CPSF3: variants seen among roughly 807,000 people sequenced by gnomAD.
CPSF3 encodes cleavage and polyadenylation specific factor 3.
In CPSF3, 57 loss-of-function variants were observed where a neutral mutation model predicts 84.1. The observed-to-expected ratio is 0.68, with a 90% CI of 0.55 to 0.85. CPSF3 has a LOEUF of 0.85. Ranked by LOEUF, CPSF3 falls within the 40% of genes least tolerant of loss-of-function variation. CPSF3 has a pLI of 0.00. For missense variants in CPSF3, 522 were observed against 838.8 expected (o/e 0.62, Z 4.66); for synonymous variants, 275 against 278.1 (o/e 0.99, Z 0.11).
At chr2:9,445,576 C>G (rs59425633) in intron 10 of CPSF3, among the ~76,000 whole-genome samples, 24,512 of 152,198 alleles carry the variant, frequency 0.16, 2,187 homozygotes, top group Middle Eastern at 0.28. Context: ...ACTCTCCTGT[C>G]TATAGCATCA....
Position 9,444,160 on chromosome 2 carries a change from T to TA in CPSF3, c.1242+499_1242+500insA, listed in dbSNP as rs1460239502. Among the ~76,000 whole-genome samples, 610 of 115,834 alleles carry TA rather than the reference T, an allele frequency of 5.3e-3. 2 individuals carry two copies. The highest frequency in any genetic ancestry group is 0.018 in the African/African-American group (556 of 31,118). 76.0% of individuals were successfully genotyped at this position (115,834 alleles called of 152,430 possible). The stretch of plus-strand genomic sequence containing the variant: ...ATATATTATATATATATATATATAT[T>TA]TTTTTTTTTTTTGAGGCGGAGTCTT... On this transcript the variant is annotated intron_variant, in intron 10 of 17. Coordinates refer to ENST00000238112, the MANE Select transcript of CPSF3 (RefSeq NM_016207.4).
rs1219489058 is a variant in CPSF3 at position 9,428,888 on chromosome 2, C to A, written c.114+60C>A. ...GGCTCTGTCTGTATTGGGTGTTAGT[C>A]TTTTCTCATAGACTAGTTATCTTTT... On this transcript the variant is annotated intron_variant, in intron 2 of 17. Coordinates refer to ENST00000238112, the MANE Select transcript of CPSF3 (RefSeq NM_016207.4). The A allele has an allele frequency of 3.5e-5, 35 of 994,936 alleles. No homozygotes were observed. The East Asian group carries it at 7.9e-4, about 22-fold the overall frequency. The allele number at this position is 994,936 out of a possible 1,614,324, so 61.6% of individuals were successfully genotyped here. A position where few individuals can be genotyped will look rare whatever the true frequency, so the allele number is the denominator to read the frequency against.
rs369979781 is a variant in CPSF3, at chr2:9,453,044, A to T, written c.1504+23A>T. 170 of 1,420,778 alleles carry T rather than the reference A, an allele frequency of 1.2e-4. No homozygotes were observed. The East Asian group carries it at 1.3e-3, about 11-fold the overall frequency. The allele number at this position is 1,420,778 out of a possible 1,614,324, so 88.0% of individuals were successfully genotyped here. On this transcript the variant is annotated intron_variant, in intron 12 of 17. Coordinates refer to ENST00000238112, the MANE Select transcript of CPSF3 (RefSeq NM_016207.4). ...CCAGTAAGTATACTATTAAATGTCA[A>T]ATCCAACTTCACCTTAGCACTGAAA...
At chr2:9,435,096 C>T (rs1181772541) in intron 6 of CPSF3, among the ~76,000 whole-genome samples, 2 of 152,166 alleles carry the variant, frequency 1.3e-5, no homozygotes, top group Non-Finnish European at 2.9e-5. Flanking sequence ...TTTTAATATG[C>T]TTATAATCAT....
intron 17 of CPSF3, among the ~76,000 whole-genome samples, chr2:9,472,277 A>C (rs940237827): frequency 8.6e-5 from 13 of 151,278 alleles, no homozygotes; most frequent in African/African-American, 3.2e-4. Context: ...CTGAGATCAC[A>C]TCACTGCACT....
intron 11 of CPSF3, among the ~76,000 whole-genome samples, chr2:9,450,670 C>T (rs1038810213): frequency 6.6e-6 from 1 of 152,084 alleles, no homozygotes; most frequent in African/African-American, 2.4e-5. Flanking sequence ...CAACTGCAGT[C>T]CCAGCCACTC....
intron 7 of CPSF3, among the ~76,000 whole-genome samples, chr2:9,437,262 G>A (rs1344722916): frequency 6.6e-6 from 1 of 152,156 alleles, no homozygotes; most frequent in African/African-American, 2.4e-5. Flanking sequence ...AAATGAGCCA[G>A]GTGTGGTGGC....
chr2:9,463,746 CTG>C (rs1681811015), intron 15 of CPSF3, among the ~76,000 whole-genome samples: 1 of 152,234 alleles, frequency 6.6e-6, no homozygotes, highest in Admixed American at 6.5e-5. Context: ...GAGTCAGCGA[CTG>C]TGGCCCACAA....
chr2:9,439,880 G>A (rs954877359), intron 7 of CPSF3, among the ~76,000 whole-genome samples: 5 of 152,134 alleles, frequency 3.3e-5, no homozygotes, highest in African/African-American at 1.2e-4. Flanking sequence ...TCAGAAGGCT[G>A]AGGTGGAAGG....
At chr2:9,460,647 A>G (rs1298532843) in intron 15 of CPSF3, among the ~76,000 whole-genome samples, 2 of 151,228 alleles carry the variant, frequency 1.3e-5, no homozygotes, top group Non-Finnish European at 3.0e-5. Flanking sequence ...TTAAGTCAGC[A>G]TAATATATGT....
At chr2:9,429,645 A>C (rs1191553248) in intron 2 of CPSF3, among the ~76,000 whole-genome samples, 1 of 152,218 alleles carries the variant, frequency 6.6e-6, no homozygotes, top group African/African-American at 2.4e-5. Flanking sequence ...AAAAAGATTT[A>C]ATTCGTTGTT....
intron 4 of CPSF3, among the ~76,000 whole-genome samples, chr2:9,431,426 G>A (rs556898811): frequency 6.6e-6 from 1 of 151,816 alleles, no homozygotes; most frequent in South Asian, 2.1e-4. Context: ...ATGCTTAATT[G>A]TGGTAACACT....
chr2:9,455,065 A>C (rs1681475542), intron 12 of CPSF3, among the ~76,000 whole-genome samples: 1 of 151,860 alleles, frequency 6.6e-6, no homozygotes, highest in African/African-American at 2.4e-5. Flanking sequence ...CCAAGGAAAG[A>C]AGGCAGATGA....
At position 9,430,849 on chromosome 2, in the gene CPSF3, A is replaced by C; in HGVS notation, c.310A>C (p.Arg104=). ...FMTHATKAIY[R]WLLSDYVKVS... is the part of the protein sequence containing the mutation. Reference sequence around the variant, plus strand: ...GACTCATGCCACAAAAGCTATTTATAGATGGCTTCTTTCTGATTATGTCAA... The same window carrying C: ...GACTCATGCCACAAAAGCTATTTATCGATGGCTTCTTTCTGATTATGTCAA... Residue 104 remains arginine (R), a synonymous_variant, in exon 4 of 18, where the codon AGA becomes CGA. Transcript: ENST00000238112. 6.2e-7 allele frequency: 1 copy of C among 1,613,226 alleles called. No individual in the cohort carries two copies. The highest frequency in any genetic ancestry group is 8.5e-7 in the Non-Finnish European group (1 of 1,179,260).
At chr2:9,426,088 A>AT (rs1558447518) in intron 1 of CPSF3, among the ~76,000 whole-genome samples, 1 of 152,206 alleles carries the variant, frequency 6.6e-6, no homozygotes, top group East Asian at 1.9e-4. Flanking sequence ...TTCAATAAGT[A>AT]TTTTTTGTGA....
intron 15 of CPSF3, among the ~76,000 whole-genome samples, chr2:9,463,162 T>C (rs999484081): frequency 2.6e-5 from 4 of 152,194 alleles, no homozygotes; most frequent in African/African-American, 4.8e-5. Flanking sequence ...GCAGATCCCA[T>C]AGGGTCTTGT....
chr2:9,423,952 G>A (rs1572757932), intron 1 of CPSF3, 129 bp downstream of exon 1: 2 of 1,472,070 alleles, frequency 1.4e-6, no homozygotes, highest in African/African-American at 2.9e-5. Flanking sequence ...CCGCGCTTGC[G>A]GGCCAGGCTT....
At chr2:9,447,247 A>G (rs1681156144) in intron 10 of CPSF3, among the ~76,000 whole-genome samples, 1 of 152,252 alleles carries the variant, frequency 6.6e-6, no homozygotes, top group African/African-American at 2.4e-5. Flanking sequence ...TGGGAGGCCA[A>G]GATGGGCAGA....
rs975167838 is a variant in CPSF3 at position 9,448,192 on chromosome 2, A to G, written c.1243-6A>G. ...CATATATTCTTTTAACATTTATTCT[A>G]TGTAGATTTTAGTCCATGGAGAACA... is the stretch of plus-strand genomic sequence containing the variant. On this transcript the variant is annotated splice_region_variant and splice_polypyrimidine_tract_variant and intron_variant, in intron 10 of 17. Coordinates refer to ENST00000238112, the MANE Select transcript of CPSF3 (RefSeq NM_016207.4). The G allele has an allele frequency of 8.3e-6, 13 of 1,559,818 alleles. No homozygotes were observed. Among genetic ancestry groups the G allele is most frequent in the African/African-American group, 2.7e-5 (2 of 73,462 alleles).
Sources: gnomAD v4.1 joint callset for allele counts (sites outside exome capture counted in the v4.1 genomes callset) on GRCh38, gnomAD v4.1.1 for gene constraint, MANE v1.5 for transcripts, NCBI Gene and HGNC (gene_info 2026-07-23, HGNC 2026-07-21) for gene names.